RTF1: variants seen among roughly 807,000 people sequenced by gnomAD.
The protein encoded by RTF1 is RNA polymerase-associated protein RTF1 homolog.
Under a neutral mutation model 95.7 loss-of-function variants are expected in RTF1, and 10 were observed. The ratio of observed to expected loss-of-function variants is 0.10; its 90% CI spans 0.06 to 0.18. RTF1 has a LOEUF of 0.18. RTF1 is among the 10% of genes least tolerant of loss of function. The pLI is 1.00. For synonymous variants in RTF1, 305 were observed against 311.8 expected, an observed-to-expected ratio of 0.98 and a Z score of 0.23; for missense variants, 458 against 875.6, an observed-to-expected ratio of 0.52 and a Z score of 6.02.
intron 14 of RTF1, among the ~76,000 whole-genome samples, chr15:41,478,040 A>G (rs1419991642): frequency 2.0e-5 from 3 of 152,032 alleles, no homozygotes; most frequent in Non-Finnish European, 2.9e-5. Context: ...TGGGATGTGG[A>G]GATTGCAGTG....
At position 41,453,011 on chromosome 15, in the gene RTF1, C is replaced by T; in HGVS notation, c.420C>T (p.Asp140=). Residue 140 remains aspartate, a synonymous_variant, in exon 3 of 18, where the codon GAC becomes GAT. Coordinates refer to ENST00000389629, the MANE Select transcript of RTF1 (RefSeq NM_015138.5). The stretch of plus-strand genomic sequence containing the variant: ...AAACTGCCTCCTCAGGCAGTTCAGA[C>T]AAAGACAGTTCAGCTGAGAGCTCAG... ...ANKTASSGSS[D]KDSSAESSAP... The T allele has an allele frequency of 6.2e-7, 1 of 1,610,658 alleles. No homozygotes were observed. Among genetic ancestry groups the T allele is most frequent in the South Asian group, 1.1e-5 (1 of 90,260 alleles).
chr15:41,424,406 A>G (rs7174630), intron 1 of RTF1, among the ~76,000 whole-genome samples: 152,265 of 152,266 alleles, frequency 1, 76,132 homozygotes, highest in Middle Eastern at 1. Context: ...AAGAAATGAG[A>G]CAGGAAGGAC....
intron 1 of RTF1, among the ~76,000 whole-genome samples, chr15:41,428,510 C>T (rs1465473121): frequency 1.3e-5 from 2 of 150,172 alleles, no homozygotes; most frequent in South Asian, 2.1e-4. Context: ...CCTTGTGATC[C>T]GCCCACCTCA....
intron 2 of RTF1, among the ~76,000 whole-genome samples, chr15:41,444,661 AC>A (rs1268251954): frequency 2.0e-5 from 3 of 152,162 alleles, no homozygotes; most frequent in African/African-American, 7.2e-5. Flanking sequence ...CAGTTCTTGT[AC>A]TGTGAAAAAA....
At position 41,483,355 on chromosome 15, in the gene RTF1, C is replaced by A. The variant is rs1355487230; in HGVS notation, c.*2668C>A. Reference sequence around the variant, plus strand: ...GTTGTTTTTATGCATTTTTTCAGTTCCTTCCAAGAAGCAAAAAGGCCAGTG... The same window carrying A: ...GTTGTTTTTATGCATTTTTTCAGTTACTTCCAAGAAGCAAAAAGGCCAGTG... On this transcript the variant is annotated 3_prime_UTR_variant, in exon 18 of 18. Coordinates refer to ENST00000389629, the MANE Select transcript of RTF1 (RefSeq NM_015138.5). The A allele has an allele frequency of 6.6e-6, 1 of 152,504 alleles. No individual in the cohort carries two copies. Among genetic ancestry groups the A allele is most frequent in the Non-Finnish European group, 1.5e-5 (1 of 68,014 alleles). The allele number at this position is 152,504 out of a possible 1,614,324, so 9.4% of individuals were successfully genotyped here.
At chr15:41,446,455 A>G (rs2050763187) in intron 2 of RTF1, among the ~76,000 whole-genome samples, 1 of 151,994 alleles carries the variant, frequency 6.6e-6, no homozygotes, top group African/African-American at 2.4e-5. Context: ...AGTCCCAGCT[A>G]CTCAGGAGGC....
At chr15:41,423,738 G>A (rs947762688) in intron 1 of RTF1, among the ~76,000 whole-genome samples, 3 of 151,888 alleles carry the variant, frequency 2.0e-5, no homozygotes, top group Non-Finnish European at 4.4e-5. Context: ...TCATATTGGT[G>A]TATTTATTTT....
rs1381216542 is a variant in RTF1, at chr15:41,483,016, A to G, written c.*2329A>G. ...AGCCACTTTGCCACCACCTCCCCAC[A>G]TGTAGCCGCTGAAACCCCCACGAGA... On this transcript the variant is annotated 3_prime_UTR_variant, in exon 18 of 18. Transcript: ENST00000389629. The G allele has an allele frequency of 6.5e-6, 1 of 152,718 alleles. No individual in the cohort carries two copies. The highest frequency in any genetic ancestry group is 1.5e-5 in the Non-Finnish European group (1 of 68,040). 9.5% of individuals were successfully genotyped at this position (152,718 alleles called of 1,614,324 possible). A position where few individuals can be genotyped will look rare whatever the true frequency, so the allele number is the denominator to read the frequency against.
chr15:41,477,428 A>G (rs1267634475), intron 13 of RTF1, 30 bp from the exon 14 acceptor site: 1 of 1,613,952 alleles, frequency 6.2e-7, no homozygotes, highest in Admixed American at 1.7e-5. Flanking sequence ...CTTGTTTCAC[A>G]GCCACTGACT....
rs557030338 is a variant in RTF1 at position 41,439,351 on chromosome 15, A to G, written c.309+920A>G. Among the ~76,000 whole-genome samples, 16 of 151,996 alleles carry G rather than the reference A, an allele frequency of 1.1e-4. No individual in the cohort carries two copies. In the East Asian group the frequency reaches 2.5e-3, roughly 24 times the overall value. On this transcript the variant is annotated intron_variant, in intron 2 of 17. Transcript: ENST00000389629. Reference sequence around the variant, plus strand: ...GCCCGGACTCTCTTTTTTCTTTTTGAGTCATCTTTTTAATCTCACTTTCAA... The same window carrying G: ...GCCCGGACTCTCTTTTTTCTTTTTGGGTCATCTTTTTAATCTCACTTTCAA...
intron 4 of RTF1, among the ~76,000 whole-genome samples, chr15:41,464,496 C>T (rs1183814491): frequency 2.0e-5 from 3 of 152,088 alleles, no homozygotes; most frequent in Non-Finnish European, 4.4e-5. Flanking sequence ...GCCTCGGCCT[C>T]CCAAAATGCT....
At chr15:41,478,082 AAG>A (rs2050951147) in intron 14 of RTF1, among the ~76,000 whole-genome samples, 1 of 151,172 alleles carries the variant, frequency 6.6e-6, no homozygotes, top group African/African-American at 2.4e-5. Context: ...TAGCCTGGGC[AAG>A]AGAGCGAGAA....
At chr15:41,441,147 A>AT (rs1355287297) in intron 2 of RTF1, among the ~76,000 whole-genome samples, 3 of 151,290 alleles carry the variant, frequency 2.0e-5, no homozygotes, top group Non-Finnish European at 4.4e-5. Flanking sequence ...AATTTTTTGT[A>AT]TTTTTAGTAG....
intron 4 of RTF1, among the ~76,000 whole-genome samples, chr15:41,460,745 G>C (rs566973784): frequency 6.6e-6 from 1 of 151,954 alleles, no homozygotes; most frequent in East Asian, 1.9e-4. Context: ...CCAGGCAGGA[G>C]TGCAGTGGTG....
Position 41,475,700 on chromosome 15 carries a change from T to G in RTF1, c.1375-12T>G, listed in dbSNP as rs1311403547. The G allele has an allele frequency of 6.2e-7, 1 of 1,603,908 alleles. No homozygotes were observed. The highest frequency in any genetic ancestry group is 8.5e-7 in the Non-Finnish European group (1 of 1,171,130). On this transcript the variant is annotated splice_polypyrimidine_tract_variant and intron_variant, in intron 10 of 17. Transcript: ENST00000389629. ...CCCTTACTAATAATCTCGTATCGTG[T>G]TTTTGATCCAGATGTTCTCTGCTGG...
chr15:41,461,042 A>ATT (rs879628124), intron 4 of RTF1, among the ~76,000 whole-genome samples: 4 of 124,892 alleles, frequency 3.2e-5, no homozygotes, highest in Non-Finnish European at 3.4e-5. Context: ...TGTCAAGCTA[A>ATT]TTTTTTTTTT....
intron 6 of RTF1, 36 bp downstream of exon 6, chr15:41,466,288 T>C (rs1440075971): frequency 7.3e-7 from 1 of 1,378,540 alleles, no homozygotes; most frequent in Non-Finnish European, 9.8e-7. Flanking sequence ...CTTGTGTCTT[T>C]ATATGATTTG....
intron 8 of RTF1, among the ~76,000 whole-genome samples, chr15:41,474,112 A>G (rs748971776): frequency 9.2e-5 from 14 of 152,164 alleles, no homozygotes; most frequent in Non-Finnish European, 1.6e-4. Flanking sequence ...CCTGGCTTCA[A>G]GTAATCCTCC....
intron 1 of RTF1, among the ~76,000 whole-genome samples, chr15:41,422,839 G>A (rs747933382): frequency 3.3e-5 from 5 of 152,104 alleles, no homozygotes; most frequent in African/African-American, 4.8e-5. Flanking sequence ...GCAGTGGCGC[G>A]ATCTTGGCTC....
Sources: allele counts gnomAD v4.1 joint callset (sites outside exome capture counted in the v4.1 genomes callset), GRCh38; gene constraint gnomAD v4.1.1; transcripts MANE v1.5; gene names NCBI Gene and HGNC (gene_info 2026-07-23, HGNC 2026-07-21).